Variants in RELL1 observed in about 807,000 individuals in gnomAD.
RELL1 encodes the protein RELT-like protein 1.
Under a neutral mutation model 23.0 loss-of-function variants are expected in RELL1, and 10 were observed. The observed-to-expected ratio is 0.43, with a 90% CI of 0.27 to 0.74. RELL1 has a LOEUF of 0.74. RELL1 is among the 30% of genes least tolerant of loss of function. The pLI is 0.19. For synonymous variants in RELL1, 146 were observed against 146.8 expected, an observed-to-expected ratio of 0.99 and a Z score of 0.04; for missense variants, 315 against 364.4, an observed-to-expected ratio of 0.86 and a Z score of 1.10.
chr4:37,596,629 A>T (rs1718853832), intron 6 of RELL1, among the ~76,000 whole-genome samples: 1 of 145,456 alleles, frequency 6.9e-6, no homozygotes, highest in Non-Finnish European at 1.5e-5. Flanking sequence ...GGTATGTGAA[A>T]CCTACTTTGG....
intron 6 of RELL1, among the ~76,000 whole-genome samples, chr4:37,620,508 A>T (rs1469563263): frequency 6.6e-6 from 1 of 152,258 alleles, no homozygotes; most frequent in African/African-American, 2.4e-5. Flanking sequence ...ACTGGAAATT[A>T]TTTAAATGCA....
chr4:37,604,846 C>CACAT (rs1560323784), intron 6 of RELL1, among the ~76,000 whole-genome samples: 3,827 of 102,240 alleles, frequency 0.037, 55 homozygotes, highest in Middle Eastern at 0.06. Context: ...CACAGACACA[C>CACAT]ACACAGACAC....
chr4:37,650,962 G>A (rs528432072), intron 1 of RELL1, among the ~76,000 whole-genome samples: 107 of 151,762 alleles, frequency 7.1e-4, no homozygotes, highest in Non-Finnish European at 1.3e-3. Context: ...GAGAGGCAGA[G>A]GTGAGAGGAT....
At chr4:37,622,053 T>C (rs1719786679) in intron 6 of RELL1, among the ~76,000 whole-genome samples, 1 of 152,218 alleles carries the variant, frequency 6.6e-6, no homozygotes, top group African/African-American at 2.4e-5. Context: ...AAATAGGGCA[T>C]ATAGCTTTTT....
intron 1 of RELL1, among the ~76,000 whole-genome samples, chr4:37,681,464 T>C (rs1233970652): frequency 6.8e-6 from 1 of 146,472 alleles, no homozygotes; most frequent in Non-Finnish European, 1.5e-5. Context: ...ATTTTACAGG[T>C]GAGGAAATGG....
chr4:37,657,782 C>T (rs942559943), intron 1 of RELL1, among the ~76,000 whole-genome samples: 1 of 152,042 alleles, frequency 6.6e-6, no homozygotes, highest in African/African-American at 2.4e-5. Context: ...AGTGCTTGTG[C>T]ACACCTGTAG....
At chr4:37,632,701 TA>T (rs35821158) in intron 5 of RELL1, among the ~76,000 whole-genome samples, 2 of 151,958 alleles carry the variant, frequency 1.3e-5, no homozygotes, top group East Asian at 1.9e-4. Context: ...AGTAAGCCTT[TA>T]AAAAAAATGG....
At chr4:37,635,176 A>T in intron 4 of RELL1, 53 bp from the exon 5 acceptor site, 1 of 1,370,966 alleles carries the variant, frequency 7.3e-7, no homozygotes. Flanking sequence ...AATATCAGCG[A>T]AGGTGATCTC....
intron 1 of RELL1, among the ~76,000 whole-genome samples, chr4:37,683,472 G>A (rs1722286910): frequency 6.6e-6 from 1 of 152,202 alleles, no homozygotes; most frequent in Non-Finnish European, 1.5e-5. Context: ...AAATGCCTAT[G>A]AAGGCTGGGC....
chr4:37,625,578 G>A (rs1248540088), intron 6 of RELL1, among the ~76,000 whole-genome samples: 1 of 152,132 alleles, frequency 6.6e-6, no homozygotes, highest in Non-Finnish European at 1.5e-5. Context: ...GGAGATGATG[G>A]TCAAAGGACA....
intron 6 of RELL1, among the ~76,000 whole-genome samples, chr4:37,604,391 T>G (rs1719097175): frequency 6.6e-6 from 1 of 152,164 alleles, no homozygotes; most frequent in Non-Finnish European, 1.5e-5. Flanking sequence ...TCCATCCTAG[T>G]GCACACATTC....
intron 6 of RELL1, among the ~76,000 whole-genome samples, chr4:37,620,398 G>A (rs1719726010): frequency 1.3e-5 from 2 of 152,200 alleles, no homozygotes; most frequent in African/African-American, 4.8e-5. Flanking sequence ...GAACACTTGT[G>A]ATTTACCAGC....
downstream of RELL1, chr4:37,588,884 G>A (rs1401980976): frequency 1.2e-6 from 2 of 1,613,362 alleles, no homozygotes; most frequent in Admixed American, 1.7e-5. Context: ...TGCAGGTGCT[G>A]TAAAATAATA....
chr4:37,636,487 C>T (rs980096790), intron 4 of RELL1, among the ~76,000 whole-genome samples: 2 of 150,678 alleles, frequency 1.3e-5, no homozygotes, highest in Admixed American at 6.6e-5. Flanking sequence ...CCCAGCTAAT[C>T]GGGAGGCTGA....
chr4:37,605,801 A>AAGAGAGAGAG (rs1377629667), downstream of RELL1, among the ~76,000 whole-genome samples: 1 of 95,616 alleles, frequency 1.0e-5, no homozygotes, highest in Admixed American at 1.1e-4. Flanking sequence ...AAGAGAAAGA[A>AAGAGAGAGAG]AGAAAGAAAG....
chr4:37,630,228 G>T (rs1162700001), intron 6 of RELL1, among the ~76,000 whole-genome samples: 6 of 151,790 alleles, frequency 4.0e-5, no homozygotes. Context: ...CGTCACCGTT[G>T]CTCTTTTACA....
rs183806358 is a variant in RELL1, at chr4:37,642,929, A to C, written c.386-4425T>G. Among the ~76,000 whole-genome samples, 593 of 152,266 alleles carry C rather than the reference A, an allele frequency of 3.9e-3. 15 individuals are homozygous for C. The highest frequency in any genetic ancestry group is 0.035 in the Admixed American group (528 of 15,290). On this transcript the variant is annotated intron_variant, in intron 3 of 6. Coordinates refer to ENST00000454158, the MANE Select transcript of RELL1 (RefSeq NM_001085400.2). Reference sequence around the variant, plus strand: ...AGAGGGCAGGAAAGCTCTGCGCCCCACCCCAATACTATGCATCTCTTCTAT... The same window carrying C: ...AGAGGGCAGGAAAGCTCTGCGCCCCCCCCCAATACTATGCATCTCTTCTAT...
intron 1 of RELL1, among the ~76,000 whole-genome samples, chr4:37,669,056 G>GA (rs1721665746): frequency 2.2e-5 from 3 of 135,968 alleles, no homozygotes; most frequent in African/African-American, 9.2e-5. Context: ...GAGGGAGGTG[G>GA]GGGGGTCAGC....
intron 3 of RELL1, among the ~76,000 whole-genome samples, chr4:37,642,009 A>G (rs1441637594): frequency 2.0e-5 from 3 of 152,118 alleles, no homozygotes; most frequent in African/African-American, 7.2e-5. Context: ...CTTGGACACA[A>G]ACCCTGGTCT....
Sources: gnomAD v4.1 joint callset for allele counts (sites outside exome capture counted in the v4.1 genomes callset) on GRCh38, gnomAD v4.1.1 for gene constraint, MANE v1.5 for transcripts, NCBI Gene and HGNC (gene_info 2026-07-23, HGNC 2026-07-21) for gene names.